Variants in NSFL1C observed in about 807,000 individuals in gnomAD.
The protein encoded by NSFL1C is NSFL1 cofactor p47.
In NSFL1C, 14 loss-of-function variants were observed where a neutral mutation model predicts 43.1. The observed-to-expected ratio is 0.32, with a 90% CI of 0.21 to 0.51. NSFL1C has a LOEUF of 0.51. Ranked by LOEUF, NSFL1C falls within the 20% of genes least tolerant of loss-of-function variation. The probability of loss-of-function intolerance (pLI) is 0.98; values close to 1 mark genes in which losing one functional copy is unlikely to be tolerated. For missense variants in NSFL1C, 406 were observed against 472.5 expected, an observed-to-expected ratio of 0.86 and a Z score of 1.30; for synonymous variants, 171 against 183.5, an observed-to-expected ratio of 0.93 and a Z score of 0.55.
intron 1 of NSFL1C, among the ~76,000 whole-genome samples, chr20:1,465,284 G>C (rs2090486847): frequency 6.6e-6 from 1 of 152,218 alleles, no homozygotes; most frequent in African/African-American, 2.4e-5. Context: ...ACAGTGAGCT[G>C]TCAAGGGATA....
chr20:1,447,192 T>G (rs2090076867), intron 7 of NSFL1C, among the ~76,000 whole-genome samples: 1 of 152,176 alleles, frequency 6.6e-6, no homozygotes, highest in South Asian at 2.1e-4. Flanking sequence ...TGCATCAGCC[T>G]CAAAGCATGT....
At chr20:1,460,336 G>A (rs1178352946) in intron 2 of NSFL1C, among the ~76,000 whole-genome samples, 1 of 152,116 alleles carries the variant, frequency 6.6e-6, no homozygotes, top group African/African-American at 2.4e-5. Context: ...TAATTCTCCT[G>A]AATCAGAGCC....
intron 3 of NSFL1C, chr20:1,456,269 G>A (rs989420118): frequency 2.0e-5 from 3 of 153,690 alleles, no homozygotes; most frequent in African/African-American, 4.8e-5. Context: ...CCTGGAGGAC[G>A]TGACTGGGTG....
intron 2 of NSFL1C, among the ~76,000 whole-genome samples, chr20:1,458,794 CAG>C (rs951088381): frequency 2.7e-4 from 41 of 152,116 alleles, no homozygotes; most frequent in African/African-American, 9.4e-4. Context: ...GCACAGAGAC[CAG>C]AGAGTTGAAG....
chr20:1,447,786 A>G (rs575160268), intron 7 of NSFL1C, among the ~76,000 whole-genome samples: 1 of 147,146 alleles, frequency 6.8e-6, no homozygotes, highest in South Asian at 2.2e-4. Context: ...AGCAGAAAAA[A>G]CAGGAGTGAC....
At chr20:1,463,154 T>C (rs995998681) in intron 2 of NSFL1C, among the ~76,000 whole-genome samples, 1 of 152,218 alleles carries the variant, frequency 6.6e-6, no homozygotes, top group African/African-American at 2.4e-5. Context: ...AATAGAACTT[T>C]GGGATTACTG....
chr20:1,455,106 C>T lies in NSFL1C; in HGVS notation c.305G>A (p.Ser102Asn). Reference protein sequence around the residue: ...QRFYAGGSERSGQQIVGPPRK... With the variant: ...QRFYAGGSERNGQQIVGPPRK... ...GGGAGGGCCAACAATCTGCTGTCCA[C>T]TTCTCTCTGAGCCCCCAGCATAAAA... is the stretch of plus-strand genomic sequence containing the variant. The change falls in exon 4 of 9, where the codon AGT (serine) becomes AAT (asparagine). Residue 102 changes from serine (S) to asparagine (N), a missense_variant. By Grantham distance (46) the Ser-to-Asn change is conservative. Around this residue, in one of 3 missense-constraint regions of NSFL1C, gnomAD observed 203 missense variants for 216.3 expected, o/e 0.94. Transcript: ENST00000216879. 2.5e-6 allele frequency: 4 copies of T among 1,614,228 alleles called. No individual in the cohort carries two copies. Among genetic ancestry groups the T allele is most frequent in the Non-Finnish European group, 3.4e-6 (4 of 1,180,038 alleles).
rs763661840 is a variant in NSFL1C, at chr20:1,452,526, T to G, written c.752A>C (p.Lys251Thr). ...EDFVKPKGAF[K>T]AFTGEGQKLG... ...TTTCTGACCCTCGCCAGTGAAGGCT[T>G]TGAAGGCTCCTTTGGGCTTCACAAA... The change falls in exon 7 of 9, where the codon AAA (lysine) becomes ACA (threonine). Residue 251 changes from lysine (K) to threonine (T), a missense_variant. By Grantham distance (78) the Lys-to-Thr change is moderately conservative. Transcript: ENST00000216879. 1.1e-5 allele frequency: 18 copies of G among 1,614,214 alleles called. No individual in the cohort carries two copies. Among genetic ancestry groups the G allele is most frequent in the Non-Finnish European group, 1.5e-5 (18 of 1,180,032 alleles).
At chr20:1,458,920 A>AG in intron 2 of NSFL1C, among the ~76,000 whole-genome samples, 1 of 150,448 alleles carries the variant, frequency 6.6e-6, no homozygotes, top group East Asian at 2.0e-4. Context: ...ATTTATTTTT[A>AG]GAAAAAAAGC....
At chr20:1,448,749 T>C (rs1339421084) in intron 7 of NSFL1C, among the ~76,000 whole-genome samples, 2 of 152,152 alleles carry the variant, frequency 1.3e-5, no homozygotes, top group African/African-American at 4.8e-5. Flanking sequence ...TCATTACAGA[T>C]GAAGAAACTG....
At chr20:1,447,218 T>C (rs1238487223) in intron 7 of NSFL1C, among the ~76,000 whole-genome samples, 1 of 152,142 alleles carries the variant, frequency 6.6e-6, no homozygotes, top group Non-Finnish European at 1.5e-5. Context: ...TCAAAAAGTG[T>C]GGGCTGGGAC....
In NSFL1C at chr20:1,442,645, G is replaced by A. The variant is rs1205418501; in HGVS notation, c.*1104C>T. On this transcript the variant is annotated 3_prime_UTR_variant, in exon 9 of 9. Coordinates refer to ENST00000216879, the MANE Select transcript of NSFL1C (RefSeq NM_016143.5). ...TGGTGGAGGGTCTTTACCAGGCTAG[G>A]ACTACTGCCTATGTTTCTGCAAGTC... The A allele has an allele frequency of 6.6e-6, 1 of 152,124 alleles. No individual in the cohort carries two copies. The highest frequency in any genetic ancestry group is 1.5e-5 in the Non-Finnish European group (1 of 68,046). 9.4% of individuals were successfully genotyped at this position (152,124 alleles called of 1,614,324 possible).
At chr20:1,463,303 T>C (rs1026118727) in intron 2 of NSFL1C, 1 of 152,156 alleles carries the variant, frequency 6.6e-6, no homozygotes. Flanking sequence ...AAATCAGCCA[T>C]CTCTACTAGC....
intron 5 of NSFL1C, 112 bp from the exon 6 acceptor site, chr20:1,453,252 A>G: frequency 1.5e-6 from 1 of 682,180 alleles, no homozygotes. Context: ...TAAAACACAC[A>G]TAGAGACACA....
At chr20:1,445,570 G>A in intron 8 of NSFL1C, 96 bp downstream of exon 8, 1 of 1,394,196 alleles carries the variant, frequency 7.2e-7, no homozygotes. Flanking sequence ...GTGCCTGCTG[G>A]TATTTAGGAG....
At chr20:1,463,911 G>A (rs570120018) in intron 2 of NSFL1C, 1 of 165,206 alleles carries the variant, frequency 6.1e-6, no homozygotes, top group East Asian at 1.7e-4. Context: ...GGTTACACAG[G>A]TTTATTTTGT....
Position 1,443,624 on chromosome 20 carries a change from G to T in NSFL1C, c.*125C>A. ...TCCAACCAAGATCTAAGAACCCAGA[G>T]CTATGGAGGAGACGTTGCACTGGAC... On this transcript the variant is annotated 3_prime_UTR_variant, in exon 9 of 9. Transcript: ENST00000216879. 1 of 894,150 alleles carries T rather than the reference G, an allele frequency of 1.1e-6. No homozygotes were observed. The highest frequency in any genetic ancestry group is 1.7e-6 in the Non-Finnish European group (1 of 591,456). The allele number at this position is 894,150 out of a possible 1,614,324, so 55.4% of individuals were successfully genotyped here. A position where few individuals can be genotyped will look rare whatever the true frequency, so the allele number is the denominator to read the frequency against.
intron 2 of NSFL1C, among the ~76,000 whole-genome samples, chr20:1,463,102 C>T (rs1381925495): frequency 3.3e-5 from 5 of 152,138 alleles, no homozygotes; most frequent in East Asian, 3.9e-4. Context: ...TTTGAACCAA[C>T]GCAGTCAGGC....
chr20:1,455,685 G>A (rs368868100), intron 3 of NSFL1C: 4 of 779,584 alleles, frequency 5.1e-6, no homozygotes, highest in Non-Finnish European at 9.6e-6. Flanking sequence ...TCTTTGAAAC[G>A]GGAGGGAAGG....
Sources: gnomAD v4.1 joint callset for allele counts (sites outside exome capture counted in the v4.1 genomes callset) on GRCh38, gnomAD v4.1.1 for gene constraint, gnomAD v4.1.1 regional missense constraint, MANE v1.5 for transcripts, NCBI Gene and HGNC (gene_info 2026-07-23, HGNC 2026-07-21) for gene names.